Variants in CCDC6 observed in about 807,000 individuals in gnomAD.
CCDC6 encodes coiled-coil domain-containing protein 6.
CCDC6 carries 20 observed loss-of-function variants against 56.6 expected under a neutral mutation model. The observed-to-expected ratio is 0.35, with a 90% CI of 0.25 to 0.51. The LOEUF (loss-of-function observed/expected upper bound fraction) is 0.51, where lower values mean the gene tolerates loss of function less well. CCDC6 is among the 20% of genes least tolerant of loss of function. The pLI is 0.95. For missense variants in CCDC6, 367 were observed against 601.1 expected (o/e 0.61, Z 4.07); for synonymous variants, 241 against 234.4 (o/e 1.03, Z -0.26).
intron 3 of CCDC6, among the ~76,000 whole-genome samples, chr10:59,831,556 A>T (rs1325639654): frequency 6.6e-6 from 1 of 152,226 alleles, no homozygotes; most frequent in Non-Finnish European, 1.5e-5. Flanking sequence ...AACTTTAATG[A>T]GGCTTAGCCT....
intron 1 of CCDC6, among the ~76,000 whole-genome samples, chr10:59,868,170 A>G (rs571448152): frequency 3.9e-5 from 6 of 152,320 alleles, no homozygotes; most frequent in African/African-American, 1.4e-4. Flanking sequence ...TGCTTCAGAT[A>G]CTTTTGAGCT....
intron 1 of CCDC6, among the ~76,000 whole-genome samples, chr10:59,872,594 T>C (rs1301051907): frequency 6.6e-6 from 1 of 152,128 alleles, no homozygotes; most frequent in Non-Finnish European, 1.5e-5. Flanking sequence ...TTGGAGGTTA[T>C]TGATGTATGA....
intron 7 of CCDC6, among the ~76,000 whole-genome samples, chr10:59,803,085 A>G (rs2070591031): frequency 6.6e-6 from 1 of 152,214 alleles, no homozygotes; most frequent in Non-Finnish European, 1.5e-5. Flanking sequence ...GGCAGCTAGA[A>G]GAGAAGCTTC....
chr10:59,878,603 A>T (rs1452827785), intron 1 of CCDC6, among the ~76,000 whole-genome samples: 2 of 152,220 alleles, frequency 1.3e-5, no homozygotes, highest in African/African-American at 4.8e-5. Flanking sequence ...AAATTAGAAA[A>T]GTATGTTCTG....
chr10:59,883,140 A>G (rs2071358532), intron 1 of CCDC6, among the ~76,000 whole-genome samples: 1 of 152,098 alleles, frequency 6.6e-6, no homozygotes. Context: ...TCCATTGCCC[A>G]CTGTGGTCTC....
chr10:59,885,573 C>T (rs1339204039), intron 1 of CCDC6, among the ~76,000 whole-genome samples: 3 of 152,128 alleles, frequency 2.0e-5, no homozygotes, highest in Admixed American at 2.0e-4. Flanking sequence ...GACCTGGCCC[C>T]ACCTACTTCC....
chr10:59,843,121 C>T (rs901081865), intron 2 of CCDC6, among the ~76,000 whole-genome samples: 7 of 152,158 alleles, frequency 4.6e-5, no homozygotes, highest in African/African-American at 1.4e-4. Context: ...CTCCTGACCT[C>T]GTGATCTGCC....
intron 3 of CCDC6, among the ~76,000 whole-genome samples, chr10:59,831,039 A>G (rs914050885): frequency 6.6e-6 from 1 of 152,180 alleles, no homozygotes; most frequent in Non-Finnish European, 1.5e-5. Context: ...TGTGTCAGGG[A>G]CTTAAACACA....
intron 7 of CCDC6, among the ~76,000 whole-genome samples, chr10:59,799,963 C>A (rs1168064747): frequency 6.6e-6 from 1 of 152,220 alleles, no homozygotes; most frequent in East Asian, 1.9e-4. Context: ...TGCACTTTAG[C>A]TCATTAACTC....
intron 7 of CCDC6, among the ~76,000 whole-genome samples, chr10:59,797,683 TTGTGTGTGTGTGTG>T (rs72280811): frequency 2.1e-5 from 3 of 140,526 alleles, no homozygotes; most frequent in Non-Finnish European, 4.6e-5. Flanking sequence ...AGTGAGAGTG[TTGTGTGTGTGTGTG>T]TGTGTGTGTG....
chr10:59,906,332 C>A lies in CCDC6; in HGVS notation c.93G>T (p.Ser31=). The part of the protein sequence containing the change: ...AAMQSSCSST[S]GGGGGGGGGG... Reference sequence around the variant, plus strand: ...CTCCCCCGCCGCCACCGCCGCCGCCCGAGGTCGACGAGCAGGACGACTGCA... The same window carrying A: ...CTCCCCCGCCGCCACCGCCGCCGCCAGAGGTCGACGAGCAGGACGACTGCA... The change falls in exon 1 of 9, where the codon TCG becomes TCT. Residue 31 remains serine (S), a synonymous_variant. Transcript: ENST00000263102. 1 of 1,599,420 alleles carries A rather than the reference C, an allele frequency of 6.3e-7. No homozygotes were observed. The highest frequency in any genetic ancestry group is 8.5e-7 in the Non-Finnish European group (1 of 1,178,730).
chr10:59,854,301 C>G (rs1227796696), intron 1 of CCDC6, among the ~76,000 whole-genome samples: 4 of 152,206 alleles, frequency 2.6e-5, no homozygotes, highest in Admixed American at 6.5e-5. Flanking sequence ...ACCCTCCCTG[C>G]TCCCCATCAC....
chr10:59,839,141 G>A (rs963261425), intron 2 of CCDC6, among the ~76,000 whole-genome samples: 4 of 152,222 alleles, frequency 2.6e-5, no homozygotes, highest in African/African-American at 9.6e-5. Context: ...TGCAAAGAGT[G>A]AAATCACAGC....
chr10:59,884,515 C>T (rs2071368077), intron 1 of CCDC6, among the ~76,000 whole-genome samples: 1 of 152,100 alleles, frequency 6.6e-6, no homozygotes, highest in Admixed American at 6.5e-5. Context: ...AAGAAGGAGA[C>T]TGAAAACAAT....
chr10:59,884,504 AAAG>A (rs2071368020), intron 1 of CCDC6, among the ~76,000 whole-genome samples: 1 of 152,224 alleles, frequency 6.6e-6, no homozygotes, highest in South Asian at 2.1e-4. Flanking sequence ...TGCTTTATAG[AAAG>A]AAGGAGACTG....
chr10:59,895,390 T>C (rs1163600830), intron 1 of CCDC6, among the ~76,000 whole-genome samples: 1 of 152,202 alleles, frequency 6.6e-6, no homozygotes, highest in African/African-American at 2.4e-5. Flanking sequence ...AGGTCAGACC[T>C]GGGCTCAAAT....
intron 1 of CCDC6, among the ~76,000 whole-genome samples, chr10:59,855,336 G>C (rs1353010870): frequency 6.6e-6 from 1 of 152,200 alleles, no homozygotes; most frequent in African/African-American, 2.4e-5. Flanking sequence ...GGGAGGCCAA[G>C]GTGGGTGGAT....
At chr10:59,805,566 A>T (rs956735158) in intron 6 of CCDC6, 3 of 152,214 alleles carry the variant, frequency 2.0e-5, no homozygotes, top group Non-Finnish European at 4.4e-5. Context: ...TGGGTCCCAG[A>T]TGCTATATAT....
At chr10:59,804,221 C>A (rs1288639959) in intron 7 of CCDC6, among the ~76,000 whole-genome samples, 199 bp downstream of exon 7, 1 of 151,328 alleles carries the variant, frequency 6.6e-6, no homozygotes, top group Non-Finnish European at 1.5e-5. Flanking sequence ...AAGAGAAACA[C>A]CAGCTGACAC....
Sources: allele counts gnomAD v4.1 joint callset (sites outside exome capture counted in the v4.1 genomes callset), GRCh38; gene constraint gnomAD v4.1.1; transcripts MANE v1.5; gene names NCBI Gene and HGNC (gene_info 2026-07-23, HGNC 2026-07-21).